Variants in CERS1 observed in about 807,000 individuals in gnomAD.
CERS1 encodes Embryonic growth/differentiation factor 1.
CERS1 carries 16 observed loss-of-function variants against 35.7 expected under a neutral mutation model. The observed-to-expected ratio is 0.45, with a 90% confidence interval of 0.30 to 0.68. The LOEUF is 0.68. Among genes scored for constraint, CERS1 ranks in the 30% least tolerant of loss-of-function variants. The probability of loss-of-function intolerance (pLI) is 0.08; values close to 1 mark genes in which losing one functional copy is unlikely to be tolerated. For missense variants in CERS1, 454 were observed against 453.9 expected, an observed-to-expected ratio of 1.00 and a Z score of 0.00; for synonymous variants, 243 against 201.6, an observed-to-expected ratio of 1.21 and a Z score of -1.74.
intron 3 of CERS1, chr19:18,881,584 A>T (rs982529753): frequency 6.6e-6 from 1 of 152,142 alleles, no homozygotes; most frequent in African/African-American, 2.4e-5. Context: ...CATCTGACAG[A>T]TGAGCTGCCC....
chr19:18,896,928 G>GA (rs1004614890), upstream of CERS1, among the ~76,000 whole-genome samples: 1 of 151,996 alleles, frequency 6.6e-6, no homozygotes, highest in Admixed American at 6.6e-5. This position sits in a 1 kb window ranked among gnomAD's most constrained non-coding sequence, Gnocchi z 5.9. Flanking sequence ...GGAACCCGGG[G>GA]GGGGGGCTCC....
Position 18,880,402 on chromosome 19 carries a change from C to T in CERS1, c.624G>A (p.Leu208=). Residue 208 remains leucine (L), a synonymous_variant, in exon 4 of 8, where the codon CTG becomes CTA. Transcript: ENST00000623882. ...YHNVGILVLF[L]HDISDVQLEF... Reference sequence around the variant, plus strand: ...CAAGCTGCACGTCACTGATATCGTGCAGGAAGAGCACAAGGATGCCCACAT... The same window carrying T: ...CAAGCTGCACGTCACTGATATCGTGTAGGAAGAGCACAAGGATGCCCACAT... 1.3e-6 allele frequency: 2 copies of T among 1,591,024 alleles called. No homozygotes were observed. The highest frequency in any genetic ancestry group is 8.6e-7 in the Non-Finnish European group (1 of 1,168,976).
chr19:18,869,051 C>G lies in CERS1; in HGVS notation c.*934G>C. On this transcript the variant is annotated 3_prime_UTR_variant, in exon 8 of 8. Coordinates refer to ENST00000623882, the MANE Select transcript of CERS1 (RefSeq NM_021267.5). ...CAGGCGCGCGCAGGCGGCAGGGGCCCGGGGGCGTAGCGCCAGCGCCAGGCG... is the reference window on the plus strand; with the variant it reads ...CAGGCGCGCGCAGGCGGCAGGGGCCGGGGGGCGTAGCGCCAGCGCCAGGCG... 4 of 1,064,544 alleles carry G rather than the reference C, an allele frequency of 3.8e-6. No individual in the cohort carries two copies. Among genetic ancestry groups the G allele is most frequent in the Non-Finnish European group, 4.5e-6 (4 of 882,042 alleles). 65.9% of individuals were successfully genotyped at this position (1,064,544 alleles called of 1,614,324 possible).
Position 18,870,357 on chromosome 19 carries a change from G to A in CERS1, c.*220C>T, listed in dbSNP as rs2055946244. ...AGTGCGCAGGGTCCGCGGCGGCCCG[G>A]GACCAGTGGGCTGAGGGCGGGGCCG... On this transcript the variant is annotated 3_prime_UTR_variant, in exon 7 of 8. Coordinates refer to ENST00000623882, the MANE Select transcript of CERS1 (RefSeq NM_021267.5). The surrounding 1 kb of genome is among the most constrained non-coding windows in gnomAD (Gnocchi z 5.1). 10 of 1,540,142 alleles carry A rather than the reference G, an allele frequency of 6.5e-6. No homozygotes were observed. Among genetic ancestry groups the A allele is most frequent in the Non-Finnish European group, 7.9e-6 (9 of 1,144,870 alleles).
At chr19:18,880,690 A>G (rs1267845739) in intron 3 of CERS1, among the ~76,000 whole-genome samples, 10 of 150,292 alleles carry the variant, frequency 6.7e-5, no homozygotes, top group Admixed American at 6.0e-4. Context: ...TGGCCCAGGG[A>G]GCTCCCTGGA....
intron 2 of CERS1, among the ~76,000 whole-genome samples, chr19:18,888,037 T>C (rs2056402428): frequency 6.6e-6 from 1 of 152,154 alleles, no homozygotes; most frequent in Non-Finnish European, 1.5e-5. Flanking sequence ...CTAAAATGCC[T>C]AATTTCAAGC....
Position 18,869,173 on chromosome 19 carries a change from C to A in CERS1, c.*812G>T. 1 of 1,153,652 alleles carries A rather than the reference C, an allele frequency of 8.7e-7. No homozygotes were observed. Among genetic ancestry groups the A allele is most frequent in the Non-Finnish European group, 1.1e-6 (1 of 938,786 alleles). 71.5% of individuals were successfully genotyped at this position (1,153,652 alleles called of 1,614,324 possible). A position where few individuals can be genotyped will look rare whatever the true frequency, so the allele number is the denominator to read the frequency against. On this transcript the variant is annotated 3_prime_UTR_variant, in exon 8 of 8. Transcript: ENST00000623882. ...GGGCGGGCACCAACTGGCGGAGCAG[C>A]ACCGGCCCGGGGTCCGCGCCCGCGC...
intron 6 of CERS1, among the ~76,000 whole-genome samples, chr19:18,872,308 C>A (rs960698976): frequency 6.6e-6 from 1 of 152,168 alleles, no homozygotes; most frequent in Non-Finnish European, 1.5e-5. Flanking sequence ...GGCGGTGTAC[C>A]CACCTTGGGG....
chr19:18,878,601 C>T lies in CERS1; in HGVS notation c.1010+329G>A. 2 of 1,141,782 alleles carry T rather than the reference C, an allele frequency of 1.8e-6. No homozygotes were observed. The highest frequency in any genetic ancestry group is 4.5e-5 in the South Asian group (2 of 43,960). The allele number at this position is 1,141,782 out of a possible 1,614,324, so 70.7% of individuals were successfully genotyped here. A position where few individuals can be genotyped will look rare whatever the true frequency, so the allele number is the denominator to read the frequency against. On this transcript the variant is annotated intron_variant, in intron 6 of 7. Transcript: ENST00000623882. This position sits in a 1 kb window ranked among gnomAD's most constrained non-coding sequence, Gnocchi z 4.6. Reference sequence around the variant, plus strand: ...GGTCGTCATCCAGGCTGGCCAGCAACTACTCCTCACCACCCACAGGGCCCT... The same window carrying T: ...GGTCGTCATCCAGGCTGGCCAGCAATTACTCCTCACCACCCACAGGGCCCT...
chr19:18,870,443 G>A lies in CERS1; in HGVS notation c.*134C>T. The A allele has an allele frequency of 1.1e-6, 1 of 911,682 alleles. No homozygotes were observed. The highest frequency in any genetic ancestry group is 1.7e-6 in the Non-Finnish European group (1 of 595,710). The allele number at this position is 911,682 out of a possible 1,614,324, so 56.5% of individuals were successfully genotyped here. On this transcript the variant is annotated 3_prime_UTR_variant, in exon 7 of 8. Coordinates refer to ENST00000623882, the MANE Select transcript of CERS1 (RefSeq NM_021267.5). The surrounding 1 kb of genome is among the most constrained non-coding windows in gnomAD (Gnocchi z 5.1). Reference sequence around the variant, plus strand: ...GCCGGGAACTGGAGGCAGGATGAGGGGGCGGGGTCCCAGGGGAGGTGGCGG... The same window carrying A: ...GCCGGGAACTGGAGGCAGGATGAGGAGGCGGGGTCCCAGGGGAGGTGGCGG...
intron 2 of CERS1, among the ~76,000 whole-genome samples, chr19:18,885,437 T>C (rs1451161812): frequency 6.6e-6 from 1 of 151,538 alleles, no homozygotes; most frequent in Non-Finnish European, 1.5e-5. Context: ...GCTCAAGCAA[T>C]CCTCCTGCCT....
intron 3 of CERS1, among the ~76,000 whole-genome samples, chr19:18,881,290 G>A (rs1445269239): frequency 6.6e-6 from 1 of 150,924 alleles, no homozygotes; most frequent in Non-Finnish European, 1.5e-5. Flanking sequence ...CACGATCTCA[G>A]CTCACCGCAA....
chr19:18,880,574 C>G, intron 3 of CERS1, 139 bp from the exon 4 acceptor site: 1 of 771,530 alleles, frequency 1.3e-6, no homozygotes, highest in South Asian at 2.1e-5. Flanking sequence ...CCTGCCTCGC[C>G]TGCCCTGCCC....
intron 6 of CERS1, among the ~76,000 whole-genome samples, chr19:18,873,225 T>G (rs957643697): frequency 6.6e-6 from 1 of 152,026 alleles, no homozygotes; most frequent in African/African-American, 2.4e-5. Context: ...TTGAGATATT[T>G]TAGAAGATGC....
intron 6 of CERS1, among the ~76,000 whole-genome samples, chr19:18,871,552 T>C (rs1490887553): frequency 3.9e-5 from 6 of 152,170 alleles, no homozygotes; most frequent in Admixed American, 3.9e-4. Flanking sequence ...TTTGTTGAGA[T>C]GAGGTCGCTA....
chr19:18,893,671 C>CTTCCCAGTGCTGCCCGGCCT, intron 1 of CERS1, 96 bp from the exon 2 acceptor site: 1 of 1,301,608 alleles, frequency 7.7e-7, no homozygotes, highest in Non-Finnish European at 1.1e-6. Flanking sequence ...CTCCCCAGGC[C>CTTCCCAGTGCTGCCCGGCCT]GGGCAGCACT....
Position 18,880,316 on chromosome 19 carries a change from G to T in CERS1, c.710C>A (p.Ala237Asp). 6.4e-7 allele frequency: 1 copy of T among 1,552,994 alleles called. No homozygotes were observed. The highest frequency in any genetic ancestry group is 8.7e-7 in the Non-Finnish European group (1 of 1,148,378). The change falls in exon 4 of 8, where the codon GCC becomes GAC. Residue 237 changes from alanine (A) to aspartate (D), a missense_variant. Coordinates refer to ENST00000623882, the MANE Select transcript of CERS1 (RefSeq NM_021267.5). ...SRGGSYHRLH[A>D]LAADLGCLSF... ...GAGGCAGCCCAAGTCTGCTGCCAAGGCATGCAGCCGATGGTAGGAGCCGCC... is the reference window on the plus strand; with the variant it reads ...GAGGCAGCCCAAGTCTGCTGCCAAGTCATGCAGCCGATGGTAGGAGCCGCC...
At position 18,884,227 on chromosome 19, in the gene CERS1, G is replaced by A. The variant is rs201106410; in HGVS notation, c.450C>T (p.Ala150=). 1.8e-3 allele frequency: 2,939 copies of A among 1,613,398 alleles called. 4 individuals are homozygous for A. The highest frequency in any genetic ancestry group is 2.5e-3 in the Admixed American group (152 of 59,958). ...AGAAGCTTCCCTGGAGCAGGTAGGC[G>A]GCTGCAATGTCCCGTGGCACTGCCA... The part of the protein sequence containing the change: ...PGMAVPRDIA[A]AYLLQGSFYG... The change falls in exon 3 of 8, where the codon GCC becomes GCT. Residue 150 remains alanine, a synonymous_variant. Transcript: ENST00000623882.
rs1389362775 is a variant in CERS1 at position 18,895,872 on chromosome 19, C to A, written c.201G>T (p.Ala67=). The change falls in exon 1 of 8, where the codon GCG becomes GCT. Residue 67 remains alanine (A), a synonymous_variant. Coordinates refer to ENST00000623882, the MANE Select transcript of CERS1 (RefSeq NM_021267.5). The surrounding 1 kb of genome is among the most constrained non-coding windows in gnomAD (Gnocchi z 6.4). ...PPELLLLALG[A]LGWTALRSAA... is the part of the protein sequence containing the mutation. ...CGGAGCGCAGGGCGGTCCAGCCCAG[C>A]GCGCCGAGCGCCAGCAGCAGCAGCT... The A allele has an allele frequency of 7.8e-7, 1 of 1,283,788 alleles. No individual in the cohort carries two copies. Among genetic ancestry groups the A allele is most frequent in the Non-Finnish European group, 9.8e-7 (1 of 1,016,370 alleles). 79.5% of individuals were successfully genotyped at this position (1,283,788 alleles called of 1,614,324 possible). A position where few individuals can be genotyped will look rare whatever the true frequency, so the allele number is the denominator to read the frequency against.
Sources: gnomAD v4.1 joint callset for allele counts (sites outside exome capture counted in the v4.1 genomes callset) on GRCh38, gnomAD v4.1.1 for gene constraint, Gnocchi (gnomAD v3.1) non-coding constraint, MANE v1.5 for transcripts, NCBI Gene and HGNC (gene_info 2026-07-23, HGNC 2026-07-21) for gene names.